The following DSCAM variants were observed in gnomAD, a reference collection of about 807,000 sequenced individuals.
The protein encoded by DSCAM is cell adhesion molecule DSCAM.
In DSCAM, 47 loss-of-function variants were observed where a neutral mutation model predicts 217.7. That is an observed-to-expected ratio of 0.22 (90% CI 0.17 to 0.28). The LOEUF is 0.28. DSCAM is among the 10% of genes least tolerant of loss of function. DSCAM has a pLI of 1.00. For synonymous variants in DSCAM, 1,056 were observed against 1,015.3 expected, an observed-to-expected ratio of 1.04 and a Z score of -0.76; for missense variants, 2,080 against 2,618.3, an observed-to-expected ratio of 0.79 and a Z score of 4.49.
chr21:40,050,732 C>T (rs555939208), intron 30 of DSCAM, among the ~76,000 whole-genome samples: 9 of 152,262 alleles, frequency 5.9e-5, no homozygotes, highest in Non-Finnish European at 1.0e-4. Context: ...CCGACCGCCT[C>T]GGCCTCCCAA....
chr21:40,439,929 T>C (rs2075615983), intron 3 of DSCAM, among the ~76,000 whole-genome samples: 1 of 152,236 alleles, frequency 6.6e-6, no homozygotes, highest in Non-Finnish European at 1.5e-5. Flanking sequence ...AAGATGAAAT[T>C]TGGGTGTGAA....
chr21:40,408,029 C>A (rs2075293147), intron 3 of DSCAM, among the ~76,000 whole-genome samples: 1 of 152,096 alleles, frequency 6.6e-6, no homozygotes, highest in Non-Finnish European at 1.5e-5. Flanking sequence ...GTTTACACAG[C>A]ACTACAGAAC....
chr21:40,515,453 A>G lies in DSCAM; in HGVS notation c.509-146208T>C, dbSNP rs557555609. Among the ~76,000 whole-genome samples the G allele has an allele frequency of 3.4e-4, 52 of 152,312 alleles. 1 individual carries two copies. Among genetic ancestry groups the G allele is most frequent in the African/African-American group, 1.2e-3 (51 of 41,558 alleles). ...AACAATTGGAGAGTAAACTGCATAC[A>G]TGATGTCTCTTTCTCCCCAAAGGTT... On this transcript the variant is annotated intron_variant, in intron 3 of 32. Transcript: ENST00000400454.
chr21:40,078,524 A>T (rs757385843), intron 26 of DSCAM, among the ~76,000 whole-genome samples, 163 bp downstream of exon 26: 10 of 152,152 alleles, frequency 6.6e-5, no homozygotes, highest in Non-Finnish European at 1.5e-4. Flanking sequence ...GATATAACGA[A>T]CTAGGGAGCC....
At chr21:40,306,831 G>C (rs1411857904) in intron 9 of DSCAM, among the ~76,000 whole-genome samples, 2 of 150,176 alleles carry the variant, frequency 1.3e-5, no homozygotes, top group Admixed American at 1.3e-4. Context: ...ATGTGCTGCT[G>C]GATTCGGTTT....
intron 3 of DSCAM, among the ~76,000 whole-genome samples, chr21:40,680,863 T>C (rs2090393326): frequency 6.6e-6 from 1 of 152,144 alleles, no homozygotes; most frequent in Admixed American, 6.5e-5. Context: ...TAGTTTGGAA[T>C]TAATTTTGGA....
intron 3 of DSCAM, among the ~76,000 whole-genome samples, chr21:40,646,804 G>T (rs1450572000): frequency 6.6e-6 from 1 of 152,160 alleles, no homozygotes; most frequent in Non-Finnish European, 1.5e-5. Flanking sequence ...GGCCCTCCAG[G>T]GGCCCTGGAC....
At chr21:40,571,665 GTGTTTGTT>G (rs1426739841) in intron 3 of DSCAM, among the ~76,000 whole-genome samples, 1 of 152,214 alleles carries the variant, frequency 6.6e-6, no homozygotes, top group African/African-American at 2.4e-5. Flanking sequence ...ATATACATGT[GTGTTTGTT>G]TGTATACAGA....
chr21:40,293,373 A>C (rs2073917346), intron 10 of DSCAM, among the ~76,000 whole-genome samples: 1 of 152,112 alleles, frequency 6.6e-6, no homozygotes, highest in Non-Finnish European at 1.5e-5. Context: ...CCATCGTTTG[A>C]GGATGAAGAA....
At chr21:40,678,879 T>C (rs982476196) in intron 3 of DSCAM, among the ~76,000 whole-genome samples, 4 of 152,232 alleles carry the variant, frequency 2.6e-5, no homozygotes, top group African/African-American at 9.6e-5. Context: ...GGTCTCGGCA[T>C]GTCAGCCTCG....
intron 11 of DSCAM, among the ~76,000 whole-genome samples, chr21:40,221,671 T>C (rs886214694): frequency 6.6e-6 from 1 of 152,086 alleles, no homozygotes; most frequent in Non-Finnish European, 1.5e-5. Context: ...AAAGCAACAG[T>C]GGGCAAATCT....
intron 3 of DSCAM, among the ~76,000 whole-genome samples, chr21:40,394,448 C>A (rs1601610212): frequency 6.6e-6 from 1 of 152,166 alleles, no homozygotes; most frequent in South Asian, 2.1e-4. Flanking sequence ...AGAATATGAA[C>A]CTGCACTCAA....
rs115724090 is a variant in DSCAM, at chr21:40,102,464, G to A, written c.3697-8590C>T. ...GTTCCTAAGGAACTAAATGTGCACA[G>A]TTTACTCTTCCAGTCAAAAGAGTGT... On this transcript the variant is annotated intron_variant, in intron 20 of 32. Coordinates refer to ENST00000400454, the MANE Select transcript of DSCAM (RefSeq NM_001389.5). Among the ~76,000 whole-genome samples, 492 of 152,206 alleles carry A rather than the reference G, an allele frequency of 3.2e-3. 2 individuals carry two copies. The highest frequency in any genetic ancestry group is 0.011 in the African/African-American group (461 of 41,520).
chr21:40,354,867 AAAAAAAGAGC>A (rs2123653725), intron 4 of DSCAM, among the ~76,000 whole-genome samples: 2 of 151,340 alleles, frequency 1.3e-5, no homozygotes, highest in East Asian at 3.9e-4. Flanking sequence ...AAAAAAAAAA[AAAAAAAGAGC>A]AACATAAGCA....
Position 40,677,275 on chromosome 21 carries a change from AAG to A in DSCAM, c.508+15533_508+15534del, listed in dbSNP as rs139194048. On this transcript the variant is annotated intron_variant, in intron 3 of 32. Transcript: ENST00000400454. Reference sequence around the variant, plus strand: ...CCAGGACAAATAAGAGATCAGAGAAAAGAGTGTGGCTGAAGGTTTCAAAATGC... The same window carrying A: ...CCAGGACAAATAAGAGATCAGAGAAAAGTGTGGCTGAAGGTTTCAAAATGC... Among the ~76,000 whole-genome samples, 13 of 152,322 alleles carry A rather than the reference AAG, an allele frequency of 8.5e-5. No homozygotes were observed. The East Asian group carries it at 2.5e-3, about 29-fold the overall frequency.
chr21:40,327,611 CT>C (rs918542375), intron 8 of DSCAM, among the ~76,000 whole-genome samples: 75 of 145,274 alleles, frequency 5.2e-4, no homozygotes, highest in Admixed American at 8.3e-4. Context: ...GAGTGTGCAT[CT>C]TTTTTTTTTT....
Position 40,013,083 on chromosome 21 carries a change from C to T in DSCAM, c.5990G>A (p.Gly1997Asp), listed in dbSNP as rs774415015. Reference sequence around the variant, plus strand: ...GTAAGGATTGTTTCCTTTCAAATGGCCCCGGGAGTCGAGCAGTGATTCTTG... The same window carrying T: ...GTAAGGATTGTTTCCTTTCAAATGGTCCCGGGAGTCGAGCAGTGATTCTTG... Reference protein sequence around the residue: ...SSQESLLDSRGHLKGNNPYAK... With the variant: ...SSQESLLDSRDHLKGNNPYAK... Residue 1997 changes from glycine (G) to aspartate (D), a missense_variant, in exon 33 of 33, where the codon GGC becomes GAC. Gly to Asp is a moderately conservative substitution (Grantham distance 94). This residue lies in a region of DSCAM where 145 missense variants were observed against 138.5 expected (regional missense o/e 1.05). Coordinates refer to ENST00000400454, the MANE Select transcript of DSCAM (RefSeq NM_001389.5). 7 of 1,575,588 alleles carry T rather than the reference C, an allele frequency of 4.4e-6. No individual in the cohort carries two copies. The highest frequency in any genetic ancestry group is 6.0e-6 in the Non-Finnish European group (7 of 1,158,382).
intron 20 of DSCAM, among the ~76,000 whole-genome samples, chr21:40,123,788 A>AC (rs1402194509): frequency 3.4e-5 from 3 of 87,590 alleles, no homozygotes; most frequent in African/African-American, 1.3e-4. Flanking sequence ...GGAAGGAAGG[A>AC]GGGAGGGAAG....
chr21:40,199,942 A>T (rs1201624248), intron 11 of DSCAM, among the ~76,000 whole-genome samples: 1 of 133,704 alleles, frequency 7.5e-6, no homozygotes, highest in Non-Finnish European at 1.5e-5. Context: ...AAGTAAAATT[A>T]AAAAAACAAA....
Sources: gnomAD v4.1 joint callset for allele counts (sites outside exome capture counted in the v4.1 genomes callset) on GRCh38, gnomAD v4.1.1 for gene constraint, gnomAD v4.1.1 regional missense constraint, MANE v1.5 for transcripts, NCBI Gene and HGNC (gene_info 2026-07-23, HGNC 2026-07-21) for gene names.